The following SMG6 variants were observed in gnomAD, a reference collection of about 807,000 sequenced individuals.
SMG6 encodes the protein telomerase-binding protein EST1A.
Under a neutral mutation model 142.2 loss-of-function variants are expected in SMG6, and 66 were observed. The observed-to-expected ratio is 0.46, with a 90% confidence interval of 0.38 to 0.57. The LOEUF (loss-of-function observed/expected upper bound fraction) is 0.57, where lower values mean the gene tolerates loss of function less well. Among genes scored for constraint, SMG6 ranks in the 20% least tolerant of loss-of-function variants. The pLI is 0.00. For synonymous variants in SMG6, 779 were observed against 702.4 expected, an observed-to-expected ratio of 1.11 and a Z score of -1.72; for missense variants, 1,793 against 1,832.0, an observed-to-expected ratio of 0.98 and a Z score of 0.39.
At chr17:2,260,481 T>C (rs1211263994) in intron 8 of SMG6, among the ~76,000 whole-genome samples, 1 of 152,236 alleles carries the variant, frequency 6.6e-6, no homozygotes, top group Non-Finnish European at 1.5e-5. Context: ...CCAAACTCTG[T>C]AGTTCAAAAG....
intron 15 of SMG6, among the ~76,000 whole-genome samples, chr17:2,078,631 CA>C (rs1268818053): frequency 6.6e-6 from 1 of 152,042 alleles, no homozygotes; most frequent in Non-Finnish European, 1.5e-5. Context: ...CTCGGCTGCC[CA>C]AAGTGCTGGG....
chr17:2,134,419 CAAA>C (rs58429166), intron 13 of SMG6, among the ~76,000 whole-genome samples: 1 of 28,724 alleles, frequency 3.5e-5, no homozygotes, highest in African/African-American at 1.7e-4. Context: ...GACTCCATCT[CAAA>C]AAAAAAAAAA....
intron 8 of SMG6, among the ~76,000 whole-genome samples, chr17:2,267,348 C>CA (rs2074442759): frequency 6.8e-6 from 1 of 146,348 alleles, no homozygotes; most frequent in Non-Finnish European, 1.5e-5. Context: ...GGACCACCCA[C>CA]CACACCTGGC....
intron 13 of SMG6, among the ~76,000 whole-genome samples, chr17:2,124,864 T>C (rs530813040): frequency 9.1e-4 from 139 of 152,340 alleles, no homozygotes; most frequent in Middle Eastern, 3.4e-3. Context: ...CTTAGACTGC[T>C]GACCCTCAAG....
chr17:2,172,546 T>G, intron 13 of SMG6, 112 bp downstream of exon 13: 1 of 1,148,402 alleles, frequency 8.7e-7, no homozygotes. Flanking sequence ...CTTAACACCC[T>G]TCTCAATGAC....
intron 13 of SMG6, among the ~76,000 whole-genome samples, chr17:2,102,773 C>T (rs978379710): frequency 8.5e-5 from 13 of 152,214 alleles, no homozygotes; most frequent in Admixed American, 6.5e-4. Context: ...ATGGAACTGA[C>T]GCTTTGAACC....
chr17:2,233,876 T>C (rs1275236044), intron 10 of SMG6, among the ~76,000 whole-genome samples: 1 of 152,174 alleles, frequency 6.6e-6, no homozygotes, highest in Non-Finnish European at 1.5e-5. Flanking sequence ...CCACCTCAGC[T>C]GCACACTGGG....
intron 10 of SMG6, among the ~76,000 whole-genome samples, chr17:2,222,062 T>C (rs1167550793): frequency 6.6e-6 from 1 of 152,222 alleles, no homozygotes; most frequent in African/African-American, 2.4e-5. Context: ...TTGAACTTGA[T>C]ATAACGCATG....
intron 13 of SMG6, among the ~76,000 whole-genome samples, chr17:2,095,544 A>T (rs891081920): frequency 6.6e-6 from 1 of 152,170 alleles, no homozygotes; most frequent in African/African-American, 2.4e-5. Context: ...CACAGAACAA[A>T]GGAAAATCCC....
At chr17:2,297,818 G>C in intron 3 of SMG6, 45 bp downstream of exon 3, 3 of 1,571,990 alleles carry the variant, frequency 1.9e-6, no homozygotes, top group Non-Finnish European at 2.6e-6. Context: ...CGTAACTACA[G>C]AATGCTGAAG....
chr17:2,202,045 T>C (rs1018340868), intron 10 of SMG6, among the ~76,000 whole-genome samples: 2 of 151,692 alleles, frequency 1.3e-5, no homozygotes, highest in Non-Finnish European at 2.9e-5. Flanking sequence ...AAAAGTTAAG[T>C]ACCAAACGAC....
chr17:2,061,773 C>G, intron 18 of SMG6, 151 bp from the exon 19 acceptor site: 1 of 910,622 alleles, frequency 1.1e-6, no homozygotes, highest in Non-Finnish European at 1.6e-6. Context: ...CGTCCGGGCT[C>G]TCAGCCCCGG....
intron 13 of SMG6, among the ~76,000 whole-genome samples, chr17:2,120,013 G>T (rs1263158024): frequency 2.6e-5 from 4 of 151,718 alleles, no homozygotes; most frequent in Non-Finnish European, 5.9e-5. Flanking sequence ...TCACCGTGTT[G>T]GTAAGGCTGG....
At chr17:2,200,620 C>G (rs2072490540) in intron 10 of SMG6, among the ~76,000 whole-genome samples, 1 of 152,128 alleles carries the variant, frequency 6.6e-6, no homozygotes, top group African/African-American at 2.4e-5. Flanking sequence ...CCTGTCTCAG[C>G]CTCCCAAAGT....
rs1423569010 is a variant in SMG6, at chr17:2,071,275, C to A, written c.3682-2344G>T. On this transcript the variant is annotated intron_variant, in intron 15 of 18. Transcript: ENST00000263073. This position sits in a 1 kb window ranked among gnomAD's most constrained non-coding sequence, Gnocchi z 5.6. ...GAAGTGGCTGCCATTTTTTTTTTTA[C>A]CCTATGTGAACAGTCAGCTCCTAAG... is the stretch of plus-strand genomic sequence containing the variant. Among the ~76,000 whole-genome samples, 1 of 151,718 alleles carries A rather than the reference C, an allele frequency of 6.6e-6. No homozygotes were observed. The highest frequency in any genetic ancestry group is 1.5e-5 in the Non-Finnish European group (1 of 67,896).
intron 13 of SMG6, among the ~76,000 whole-genome samples, chr17:2,109,217 C>T (rs1414973092): frequency 2.6e-5 from 4 of 152,040 alleles, no homozygotes; most frequent in Non-Finnish European, 4.4e-5. Flanking sequence ...GTAGTATATT[C>T]TCACAGGATT....
chr17:2,128,817 C>CAA (rs367580981), intron 13 of SMG6, among the ~76,000 whole-genome samples: 25,128 of 72,676 alleles, frequency 0.35, 3,765 homozygotes, highest in African/African-American at 0.48. Context: ...GAGCAAGACT[C>CAA]AAAAAAAAAA....
intron 13 of SMG6, among the ~76,000 whole-genome samples, chr17:2,137,526 T>C (rs558768913): frequency 5.3e-5 from 8 of 152,006 alleles, no homozygotes; most frequent in South Asian, 4.2e-4. Context: ...CACATGCAAA[T>C]GGGCTTACTC....
At chr17:2,142,793 C>T (rs980625303) in intron 13 of SMG6, among the ~76,000 whole-genome samples, 1 of 143,838 alleles carries the variant, frequency 7.0e-6, no homozygotes, top group Non-Finnish European at 1.5e-5. Flanking sequence ...GAGGCTGAGG[C>T]GGGAGAATTG....
Sources: gnomAD v4.1 joint callset for allele counts (sites outside exome capture counted in the v4.1 genomes callset) on GRCh38, gnomAD v4.1.1 for gene constraint, Gnocchi (gnomAD v3.1) non-coding constraint, MANE v1.5 for transcripts, NCBI Gene and HGNC (gene_info 2026-07-23, HGNC 2026-07-21) for gene names.